PI4K2B: variants seen among roughly 807,000 people sequenced by gnomAD.
The protein encoded by PI4K2B is phosphatidylinositol 4-kinase type 2 beta, also known as phosphatidylinositol 4-kinase type 2-beta.
Under a neutral mutation model 56.6 loss-of-function variants are expected in PI4K2B, and 46 were observed. The observed-to-expected ratio is 0.81, with a 90% CI of 0.64 to 1.04. The LOEUF is 1.04. Ranked by LOEUF, PI4K2B falls within the 50% of genes least tolerant of loss-of-function variation. The pLI is 0.00. For synonymous variants in PI4K2B, 211 were observed against 223.8 expected (o/e 0.94, Z 0.51); for missense variants, 556 against 607.7 (o/e 0.91, Z 0.89).
intron 1 of PI4K2B, among the ~76,000 whole-genome samples, chr4:25,236,445 G>T (rs989870177): frequency 2.0e-5 from 3 of 151,626 alleles, no homozygotes; most frequent in Non-Finnish European, 4.4e-5. Flanking sequence ...CAGCTACTTG[G>T]GAGGCTGAGG....
chr4:25,275,471 C>G (rs1717060770), intron 9 of PI4K2B, among the ~76,000 whole-genome samples: 1 of 152,052 alleles, frequency 6.6e-6, no homozygotes, highest in African/African-American at 2.4e-5. Flanking sequence ...CAAGACCAGT[C>G]TGGGCAACAA....
intron 2 of PI4K2B, among the ~76,000 whole-genome samples, chr4:25,252,930 C>G (rs1217398770): frequency 6.6e-6 from 1 of 152,192 alleles, no homozygotes; most frequent in East Asian, 1.9e-4. Context: ...TTTGCTTTTA[C>G]TAAAGCACTC....
chr4:25,270,249 A>G (rs1050972522), intron 9 of PI4K2B, among the ~76,000 whole-genome samples: 1 of 152,148 alleles, frequency 6.6e-6, no homozygotes, highest in African/African-American at 2.4e-5. Flanking sequence ...TAACCATGTC[A>G]CCAAGATTGA....
chr4:25,273,333 C>A (rs548587286), intron 9 of PI4K2B, among the ~76,000 whole-genome samples: 3 of 151,972 alleles, frequency 2.0e-5, no homozygotes, highest in Admixed American at 6.6e-5. Context: ...TGAAAAAATG[C>A]AGAAATAATA....
At chr4:25,269,314 T>C (rs2109023785) in intron 9 of PI4K2B, 111 bp downstream of exon 9, 1 of 659,954 alleles carries the variant, frequency 1.5e-6, no homozygotes, top group Non-Finnish European at 2.7e-6. Flanking sequence ...CCTCTTATGC[T>C]GAACCAAAAT....
chr4:25,240,990 G>C (rs1284860848), intron 1 of PI4K2B, among the ~76,000 whole-genome samples: 1 of 152,028 alleles, frequency 6.6e-6, no homozygotes, highest in Non-Finnish European at 1.5e-5. Context: ...CACTTATGCT[G>C]CTGTTCTCCC....
chr4:25,262,000 T>C (rs1053435407), intron 6 of PI4K2B, among the ~76,000 whole-genome samples: 5 of 152,296 alleles, frequency 3.3e-5, no homozygotes, highest in African/African-American at 1.2e-4. Context: ...AATGCTCATA[T>C]GTATAAGCTC....
At chr4:25,236,404 A>T (rs1715265177) in intron 1 of PI4K2B, among the ~76,000 whole-genome samples, 1 of 152,048 alleles carries the variant, frequency 6.6e-6, no homozygotes, top group Non-Finnish European at 1.5e-5. Context: ...TAGAAAAATT[A>T]GCCAGGCATG....
chr4:25,234,287 GC>G lies in PI4K2B; in HGVS notation c.128del (p.Pro43GlnfsTer5). On this transcript the variant is annotated frameshift_variant, in exon 1 of 10. Coordinates refer to ENST00000264864, the MANE Select transcript of PI4K2B (RefSeq NM_018323.4). LOFTEE classifies it high-confidence loss of function. ...CGCCTGGGCCCACCCGCGGAGAGGC[GC>G]CCCAGGCAGCGCCGTGAGGCTGCTG... is the stretch of plus-strand genomic sequence containing the variant. ...RIAWAHPRRG[A>X]PGSAVRLLDA... The G allele has an allele frequency of 1.4e-6, 2 of 1,418,666 alleles. No homozygotes were observed. Among genetic ancestry groups the G allele is most frequent in the South Asian group, 1.4e-5 (1 of 71,324 alleles). The allele number at this position is 1,418,666 out of a possible 1,614,324, so 87.9% of individuals were successfully genotyped here. A position where few individuals can be genotyped will look rare whatever the true frequency, so the allele number is the denominator to read the frequency against.
rs1220852149 is a variant in PI4K2B at position 25,276,810 on chromosome 4, TGTGTGTGCGC to T, written c.1273-196_1273-187del. The T allele has an allele frequency of 1.2e-3, 1,015 of 812,980 alleles. 1 individual carries two copies. The African/African-American group carries it at 0.014, about 11-fold the overall frequency. 50.4% of individuals were successfully genotyped at this position (812,980 alleles called of 1,614,324 possible). A position where few individuals can be genotyped will look rare whatever the true frequency, so the allele number is the denominator to read the frequency against. On this transcript the variant is annotated intron_variant, in intron 9 of 9. Coordinates refer to ENST00000264864, the MANE Select transcript of PI4K2B (RefSeq NM_018323.4). Reference sequence around the variant, plus strand: ...TTATTTAATGCTAATTGTGTGTGTGTGTGTGTGCGCGTGTGTGTGTGCGCGTGTGTGTGTA... The same window carrying T: ...TTATTTAATGCTAATTGTGTGTGTGTGTGTGTGTGTGCGCGTGTGTGTGTA...
intron 1 of PI4K2B, among the ~76,000 whole-genome samples, chr4:25,247,070 A>G (rs1398292995): frequency 6.6e-6 from 1 of 152,262 alleles, no homozygotes; most frequent in Non-Finnish European, 1.5e-5. Flanking sequence ...CCCCCAGTGC[A>G]GTGGCAGGCT....
chr4:25,254,025 G>T (rs553676187), intron 2 of PI4K2B, among the ~76,000 whole-genome samples: 1 of 152,192 alleles, frequency 6.6e-6, no homozygotes, highest in East Asian at 1.9e-4. Flanking sequence ...CTCCCAAAGT[G>T]CTGGGATTAC....
chr4:25,251,845 C>T (rs911026712), intron 1 of PI4K2B, among the ~76,000 whole-genome samples: 4 of 139,952 alleles, frequency 2.9e-5, no homozygotes, highest in Admixed American at 7.1e-5. Flanking sequence ...ATTATTTGGA[C>T]GGTGTCTCGC....
chr4:25,257,947 A>G (rs954874263), intron 4 of PI4K2B, among the ~76,000 whole-genome samples: 2 of 151,982 alleles, frequency 1.3e-5, no homozygotes, highest in African/African-American at 2.4e-5. Flanking sequence ...TAAAAAGCAG[A>G]TTTTCTTTGT....
chr4:25,234,062 TCCGTTCTACCCGGTCGCTC>T lies in PI4K2B; in HGVS notation c.-95_-77del. The T allele has an allele frequency of 2.0e-6, 2 of 1,014,826 alleles. No individual in the cohort carries two copies. The highest frequency in any genetic ancestry group is 2.5e-6 in the Non-Finnish European group (2 of 790,020). 62.9% of individuals were successfully genotyped at this position (1,014,826 alleles called of 1,614,324 possible). A position where few individuals can be genotyped will look rare whatever the true frequency, so the allele number is the denominator to read the frequency against. On this transcript the variant is annotated 5_prime_UTR_variant, in exon 1 of 10. Transcript: ENST00000264864. ...GTGCCCGTGCGCTGGTGAGGTGGCG[TCCGTTCTACCCGGTCGCTC>T]CCGTTCCGCGCCATGCAGAGCCCAG...
At chr4:25,241,343 TCTC>T (rs2109085104) in intron 1 of PI4K2B, among the ~76,000 whole-genome samples, 1 of 152,370 alleles carries the variant, frequency 6.6e-6, no homozygotes, top group African/African-American at 2.4e-5. Flanking sequence ...CGTATCCCAT[TCTC>T]CACAAATGAA....
chr4:25,263,926 C>T (rs1716573991), intron 7 of PI4K2B, 77 bp downstream of exon 7: 2 of 644,526 alleles, frequency 3.1e-6, no homozygotes, highest in Non-Finnish European at 5.5e-6. Flanking sequence ...TTTACAGATA[C>T]CATAGCGGAG....
At chr4:25,272,347 A>T (rs1466123812) in intron 9 of PI4K2B, among the ~76,000 whole-genome samples, 2 of 152,252 alleles carry the variant, frequency 1.3e-5, no homozygotes, top group African/African-American at 4.8e-5. Context: ...AAGAAATAAA[A>T]TGATGATACT....
chr4:25,240,747 T>C (rs180912733), intron 1 of PI4K2B, among the ~76,000 whole-genome samples: 74 of 152,294 alleles, frequency 4.9e-4, no homozygotes, highest in Middle Eastern at 3.4e-3. Context: ...TCTCTTTCTT[T>C]CTCTTTGATT....
Sources: gnomAD v4.1 joint callset for allele counts (sites outside exome capture counted in the v4.1 genomes callset) on GRCh38, gnomAD v4.1.1 for gene constraint, MANE v1.5 for transcripts, NCBI Gene and HGNC (gene_info 2026-07-23, HGNC 2026-07-21) for gene names.